Variants in ADCY2 observed in about 807,000 individuals in gnomAD.
The protein encoded by ADCY2 is adenylate cyclase 2.
In ADCY2, 31 loss-of-function variants were observed where a neutral mutation model predicts 125.2. The observed-to-expected ratio is 0.25, with a 90% CI of 0.19 to 0.33. ADCY2 has a LOEUF of 0.33. Among genes scored for constraint, ADCY2 ranks in the 10% least tolerant of loss-of-function variants. The probability of loss-of-function intolerance (pLI) is 1.00; values close to 1 mark genes in which losing one functional copy is unlikely to be tolerated. For missense variants in ADCY2, 904 were observed against 1,418.2 expected (o/e 0.64, Z 5.82); for synonymous variants, 512 against 548.4 (o/e 0.93, Z 0.93).
intron 19 of ADCY2, among the ~76,000 whole-genome samples, chr5:7,788,340 C>T (rs796625175): frequency 1.2e-4 from 18 of 152,104 alleles, no homozygotes; most frequent in African/African-American, 3.1e-4. Context: ...CAACCAGGCC[C>T]GGCTAATTTT....
At chr5:7,728,759 A>G (rs928691701) in intron 14 of ADCY2, among the ~76,000 whole-genome samples, 1 of 152,144 alleles carries the variant, frequency 6.6e-6, no homozygotes, top group South Asian at 2.1e-4. Context: ...TTCCTTTTGG[A>G]TGAGCATTTC....
At position 7,690,692 on chromosome 5, in the gene ADCY2, A is replaced by C. The variant is rs1333095165; in HGVS notation, c.722A>C (p.Glu241Ala). 1 of 1,576,646 alleles carries C rather than the reference A, an allele frequency of 6.3e-7. No homozygotes were observed. Among genetic ancestry groups the C allele is most frequent in the Non-Finnish European group, 8.6e-7 (1 of 1,163,994 alleles). Residue 241 changes from glutamate to alanine, a missense_variant and splice_region_variant, in exon 5 of 25, where the codon GAG becomes GCG. By Grantham distance (107) the Glu-to-Ala change is moderately radical. Coordinates refer to ENST00000338316, the MANE Select transcript of ADCY2 (RefSeq NM_020546.3). ...TTCCTCCTTCCCCACCTTGTCCAGG[A>C]GCGGCTTCTGCTCTCCCTGCTGCCG... ...IKLEFEKRQQ[E>A]RLLLSLLPAH...
chr5:7,501,613 C>T (rs1166188906), intron 2 of ADCY2, among the ~76,000 whole-genome samples: 1 of 126,846 alleles, frequency 7.9e-6, no homozygotes, highest in Non-Finnish European at 1.6e-5. Flanking sequence ...GATGTTTCCT[C>T]ATATCCCATC....
chr5:7,421,095 G>A (rs1039906885), intron 2 of ADCY2, among the ~76,000 whole-genome samples: 17 of 152,106 alleles, frequency 1.1e-4, no homozygotes, highest in Admixed American at 9.8e-4. Flanking sequence ...CAGTCCCACC[G>A]GAAGGAACAG....
At chr5:7,493,806 T>G (rs1743251763) in intron 2 of ADCY2, among the ~76,000 whole-genome samples, 1 of 152,030 alleles carries the variant, frequency 6.6e-6, no homozygotes, top group Non-Finnish European at 1.5e-5. Flanking sequence ...TCATCCTAAG[T>G]AAAAGAGGAA....
At chr5:7,407,723 A>G (rs1739553296) in intron 1 of ADCY2, among the ~76,000 whole-genome samples, 1 of 152,118 alleles carries the variant, frequency 6.6e-6, no homozygotes, top group East Asian at 1.9e-4. Flanking sequence ...AGAGCAGGAC[A>G]TAGAGCCAGG....
chr5:7,810,429 A>T (rs1304468171), intron 22 of ADCY2, among the ~76,000 whole-genome samples: 1 of 151,664 alleles, frequency 6.6e-6, no homozygotes, highest in African/African-American at 2.4e-5. Context: ...TATCTGCCTG[A>T]TGGGTGGGTT....
At chr5:7,400,846 A>AGT in intron 1 of ADCY2, among the ~76,000 whole-genome samples, 1 of 152,244 alleles carries the variant, frequency 6.6e-6, no homozygotes, top group Admixed American at 6.5e-5. Flanking sequence ...TGGTATAACA[A>AGT]AGGCCAAGGG....
chr5:7,443,807 C>T (rs1579448754), intron 2 of ADCY2, among the ~76,000 whole-genome samples: 2 of 151,912 alleles, frequency 1.3e-5, no homozygotes, highest in Non-Finnish European at 2.9e-5. Flanking sequence ...ATGCATTTCA[C>T]GAAATACATA....
intron 4 of ADCY2, among the ~76,000 whole-genome samples, chr5:7,669,479 C>T (rs1739860790): frequency 6.6e-6 from 1 of 152,156 alleles, no homozygotes; most frequent in Admixed American, 6.5e-5. Flanking sequence ...TCCCAGAAAA[C>T]TTGGTATCCC....
At chr5:7,631,040 C>G (rs971736418) in intron 4 of ADCY2, among the ~76,000 whole-genome samples, 1 of 152,176 alleles carries the variant, frequency 6.6e-6, no homozygotes, top group Non-Finnish European at 1.5e-5. Flanking sequence ...ATCCACCCAC[C>G]TTGGCTTCCC....
chr5:7,607,736 T>A (rs987775674), intron 3 of ADCY2, among the ~76,000 whole-genome samples: 10 of 152,248 alleles, frequency 6.6e-5, no homozygotes, highest in Non-Finnish European at 1.2e-4. Flanking sequence ...ATGTTTTTAT[T>A]TGATTCATTA....
At chr5:7,668,390 T>C (rs942912127) in intron 4 of ADCY2, among the ~76,000 whole-genome samples, 3 of 152,330 alleles carry the variant, frequency 2.0e-5, no homozygotes, top group East Asian at 1.9e-4. Context: ...TGCCAGCTCC[T>C]GCAGTCACAT....
At chr5:7,619,464 C>T (rs1408766990) in intron 3 of ADCY2, among the ~76,000 whole-genome samples, 2 of 152,176 alleles carry the variant, frequency 1.3e-5, no homozygotes, top group Non-Finnish European at 2.9e-5. Context: ...GTGATTCTCT[C>T]TGCTTTAACT....
Position 7,414,790 on chromosome 5 carries a change from T to C in ADCY2, c.408+20T>C. 1 of 1,584,058 alleles carries C rather than the reference T, an allele frequency of 6.3e-7. No individual in the cohort carries two copies. The highest frequency in any genetic ancestry group is 8.6e-7 in the Non-Finnish European group (1 of 1,167,750). ...GACCAGGTAAGGTGTGAAAATATTT[T>C]TTGTACTTCTTTTATGTCTTGATTT... On this transcript the variant is annotated intron_variant, in intron 2 of 24. Coordinates refer to ENST00000338316, the MANE Select transcript of ADCY2 (RefSeq NM_020546.3).
rs572156786 is a variant in ADCY2 at position 7,665,141 on chromosome 5, T to C, written c.721-25550T>C. Among the ~76,000 whole-genome samples the C allele has an allele frequency of 5.9e-5, 9 of 152,310 alleles. No individual in the cohort carries two copies. The South Asian group carries it at 1.7e-3, about 28-fold the overall frequency. On this transcript the variant is annotated intron_variant, in intron 4 of 24. Transcript: ENST00000338316. ...TGTTCTTGGCAACTCCTGAGGGCTA[T>C]GTCACAGGCCATGGTCACTCATATT...
intron 2 of ADCY2, among the ~76,000 whole-genome samples, chr5:7,427,391 C>T (rs1034301343): frequency 6.6e-6 from 1 of 152,182 alleles, no homozygotes; most frequent in Non-Finnish European, 1.5e-5. Context: ...AACTTACAAT[C>T]ATGGCAGAAG....
intron 4 of ADCY2, among the ~76,000 whole-genome samples, chr5:7,655,371 A>G (rs952975226): frequency 6.6e-6 from 1 of 152,178 alleles, no homozygotes; most frequent in African/African-American, 2.4e-5. Flanking sequence ...AAGTGCCAAG[A>G]CCTGCCTTCT....
chr5:7,765,543 C>T (rs1043039075), intron 16 of ADCY2, among the ~76,000 whole-genome samples: 2 of 152,108 alleles, frequency 1.3e-5, no homozygotes, highest in African/African-American at 2.4e-5. Context: ...TACCGTATCT[C>T]GTATCTCTAT....
Sources: gnomAD v4.1 joint callset for allele counts (sites outside exome capture counted in the v4.1 genomes callset) on GRCh38, gnomAD v4.1.1 for gene constraint, MANE v1.5 for transcripts, NCBI Gene and HGNC (gene_info 2026-07-23, HGNC 2026-07-21) for gene names.